The following DGKI variants were observed in gnomAD, a reference collection of about 807,000 sequenced individuals.
DGKI encodes diacylglycerol kinase iota.
DGKI carries 55 observed loss-of-function variants against 147.5 expected under a neutral mutation model. That is an observed-to-expected ratio of 0.37 (90% CI 0.30 to 0.47). The LOEUF (loss-of-function observed/expected upper bound fraction) is 0.47. Ranked by LOEUF, DGKI falls within the 20% of genes least tolerant of loss-of-function variation. DGKI has a pLI of 1.00. For synonymous variants in DGKI, 469 were observed against 477.1 expected (o/e 0.98, Z 0.22); for missense variants, 1,007 against 1,323.8 (o/e 0.76, Z 3.71).
intron 1 of DGKI, among the ~76,000 whole-genome samples, chr7:137,783,080 C>T (rs527539438): frequency 5.9e-5 from 9 of 152,230 alleles, no homozygotes; most frequent in Admixed American, 4.6e-4. Context: ...ATTATTAACA[C>T]CCTGAAAAAT....
At chr7:137,524,259 T>C (rs950079150) in intron 20 of DGKI, among the ~76,000 whole-genome samples, 7 of 152,148 alleles carry the variant, frequency 4.6e-5, no homozygotes, top group Admixed American at 1.3e-4. Context: ...AGCTCCTTCA[T>C]ATAAATTGTG....
chr7:137,686,688 C>T (rs554392969), intron 2 of DGKI, among the ~76,000 whole-genome samples: 8 of 152,320 alleles, frequency 5.3e-5, no homozygotes, highest in African/African-American at 1.9e-4. Flanking sequence ...AAACTGTCTG[C>T]TATAACAGCA....
intron 1 of DGKI, among the ~76,000 whole-genome samples, chr7:137,766,289 C>T (rs1324426785): frequency 1.3e-5 from 2 of 152,328 alleles, no homozygotes; most frequent in East Asian, 3.9e-4. Context: ...GTGATCTAAT[C>T]GGACTTCCAT....
rs529689381 is a variant in DGKI, at chr7:137,734,890, A to G, written c.402-44888T>C. On this transcript the variant is annotated intron_variant, in intron 1 of 32. Transcript: ENST00000614521. The stretch of plus-strand genomic sequence containing the variant: ...AGTGCCTGGCACAGAGTGCGTGATC[A>G]ATAAATATTTGTCAACTACTCCCTC... Among the ~76,000 whole-genome samples, 11 of 152,224 alleles carry G rather than the reference A, an allele frequency of 7.2e-5. No homozygotes were observed. The South Asian group carries it at 2.3e-3, about 31-fold the overall frequency.
At position 137,770,743 on chromosome 7, in the gene DGKI, CG is replaced by C. The variant is rs1796168528; in HGVS notation, c.401+75718del. Among the ~76,000 whole-genome samples the C allele has an allele frequency of 3.6e-5, 2 of 54,840 alleles. 1 individual carries two copies. Among genetic ancestry groups the C allele is most frequent in the South Asian group, 1.0e-3 (2 of 1,974 alleles). The allele number at this position is 54,840 out of a possible 152,430, so 36.0% of individuals were successfully genotyped here. A position where few individuals can be genotyped will look rare whatever the true frequency, so the allele number is the denominator to read the frequency against. On this transcript the variant is annotated intron_variant, in intron 1 of 32. Transcript: ENST00000614521. ...AGAGACGGGGTTTCACCGTTTTAGC[CG>C]GGATGGTCTCGATCTCCTGACCTCG... is the stretch of plus-strand genomic sequence containing the variant.
intron 23 of DGKI, among the ~76,000 whole-genome samples, chr7:137,484,333 A>T (rs1240408982): frequency 6.6e-6 from 1 of 152,098 alleles, no homozygotes; most frequent in Non-Finnish European, 1.5e-5. Context: ...AATTTCAGGC[A>T]TGGGAAAATA....
intron 1 of DGKI, among the ~76,000 whole-genome samples, chr7:137,720,406 T>C (rs1012122632): frequency 1.4e-4 from 21 of 152,056 alleles, no homozygotes; most frequent in African/African-American, 3.6e-4. Context: ...CACAGGCGCC[T>C]GCCATCGCGC....
At chr7:137,702,908 A>T (rs1182345119) in intron 1 of DGKI, among the ~76,000 whole-genome samples, 1 of 152,228 alleles carries the variant, frequency 6.6e-6, no homozygotes, top group African/African-American at 2.4e-5. Context: ...GATGATAACA[A>T]CTGGGGCAAA....
chr7:137,772,748 G>C (rs933047773), intron 1 of DGKI, among the ~76,000 whole-genome samples: 1 of 152,198 alleles, frequency 6.6e-6, no homozygotes, highest in Non-Finnish European at 1.5e-5. Context: ...GTTATTCCAA[G>C]TTGTTGTATT....
chr7:137,661,693 G>A (rs1822439906), intron 3 of DGKI, among the ~76,000 whole-genome samples: 1 of 152,124 alleles, frequency 6.6e-6, no homozygotes, highest in Admixed American at 6.5e-5. Flanking sequence ...CCAGGAGAGT[G>A]CTCTCCTCCT....
chr7:137,633,943 A>C (rs1457432352), intron 6 of DGKI, among the ~76,000 whole-genome samples: 1 of 152,198 alleles, frequency 6.6e-6, no homozygotes, highest in Non-Finnish European at 1.5e-5. Flanking sequence ...GCATCACATT[A>C]AAGCAGATGA....
rs180882503 is a variant in DGKI, at chr7:137,382,061, A to G, written c.*9159T>C. Reference sequence around the variant, plus strand: ...CATTTGGTTGCATATAGAAGGTACAACAAATATCAAGGCTAGATGGTATCT... The same window carrying G: ...CATTTGGTTGCATATAGAAGGTACAGCAAATATCAAGGCTAGATGGTATCT... On this transcript the variant is annotated 3_prime_UTR_variant, in exon 33 of 33. Transcript: ENST00000614521. 3.1e-4 allele frequency: 47 copies of G among 152,206 alleles called. No individual in the cohort carries two copies. The highest frequency in any genetic ancestry group is 6.5e-4 in the Non-Finnish European group (44 of 67,970). 9.4% of individuals were successfully genotyped at this position (152,206 alleles called of 1,614,324 possible).
intron 1 of DGKI, among the ~76,000 whole-genome samples, chr7:137,796,235 C>T (rs575211172): frequency 3.3e-5 from 5 of 152,276 alleles, no homozygotes; most frequent in South Asian, 2.1e-4. Context: ...TGGTGGCTCA[C>T]GCCTGTAATC....
intron 6 of DGKI, among the ~76,000 whole-genome samples, chr7:137,633,336 G>A (rs1821201295): frequency 6.6e-6 from 1 of 151,816 alleles, no homozygotes; most frequent in African/African-American, 2.4e-5. Flanking sequence ...GGAGTGAACA[G>A]ACTTGGAAAC....
chr7:137,602,393 G>T (rs532365285), intron 10 of DGKI, among the ~76,000 whole-genome samples: 2 of 152,306 alleles, frequency 1.3e-5, no homozygotes, highest in South Asian at 4.1e-4. Context: ...CATTTCTATT[G>T]CAGTCTATTG....
chr7:137,766,457 G>A (rs567713334), intron 1 of DGKI, among the ~76,000 whole-genome samples: 37 of 152,336 alleles, frequency 2.4e-4, no homozygotes, highest in Admixed American at 5.2e-4. Flanking sequence ...AAGATGGAAA[G>A]TGAATTGACA....
chr7:137,412,094 TAG>T (rs1812184106), intron 29 of DGKI, 74 bp downstream of exon 29: 2 of 1,349,258 alleles, frequency 1.5e-6, no homozygotes, highest in Non-Finnish European at 2.1e-6. Context: ...GATGGGAACA[TAG>T]AGTTTTGATG....
At chr7:137,559,477 T>G (rs368949629) in intron 19 of DGKI, among the ~76,000 whole-genome samples, 2 of 152,166 alleles carry the variant, frequency 1.3e-5, no homozygotes, top group Admixed American at 6.5e-5. Context: ...CCAGCCACTC[T>G]AAACTGCTAG....
intron 23 of DGKI, among the ~76,000 whole-genome samples, chr7:137,471,881 AAT>A (rs1317015715): frequency 1.6e-4 from 24 of 146,202 alleles, no homozygotes; most frequent in Middle Eastern, 7.6e-3. Flanking sequence ...ATACAGAAAA[AAT>A]ATATGTTACA....
Sources: gnomAD v4.1 joint callset for allele counts (sites outside exome capture counted in the v4.1 genomes callset) on GRCh38, gnomAD v4.1.1 for gene constraint, MANE v1.5 for transcripts, NCBI Gene and HGNC (gene_info 2026-07-23, HGNC 2026-07-21) for gene names.